KCNK10: variants seen among roughly 807,000 people sequenced by gnomAD.
The protein encoded by KCNK10 is potassium channel subfamily K member 10.
Under a neutral mutation model 47.7 loss-of-function variants are expected in KCNK10, and 25 were observed. That is an observed-to-expected ratio of 0.52 (90% CI 0.38 to 0.73). The LOEUF (loss-of-function observed/expected upper bound fraction) is 0.73. Among genes scored for constraint, KCNK10 ranks in the 30% least tolerant of loss-of-function variants. The probability of loss-of-function intolerance (pLI) is 0.00; values close to 1 mark genes in which losing one functional copy is unlikely to be tolerated. For synonymous variants in KCNK10, 303 were observed against 285.6 expected (o/e 1.06, Z -0.61); for missense variants, 563 against 714.5 (o/e 0.79, Z 2.42).
chr14:88,247,920 G>A (rs1336476468), intron 2 of KCNK10, among the ~76,000 whole-genome samples: 2 of 152,168 alleles, frequency 1.3e-5, no homozygotes, highest in African/African-American at 4.8e-5. Flanking sequence ...ATGGAAGGAT[G>A]AAATAAGACA....
chr14:88,218,097 A>G (rs1341806094), intron 4 of KCNK10, among the ~76,000 whole-genome samples: 1 of 151,874 alleles, frequency 6.6e-6, no homozygotes, highest in Admixed American at 6.6e-5. Flanking sequence ...GGGCTCAAGT[A>G]ATCCTTCTGT....
chr14:88,268,100 C>G (rs1887312955), intron 1 of KCNK10, among the ~76,000 whole-genome samples: 1 of 152,072 alleles, frequency 6.6e-6, no homozygotes, highest in South Asian at 2.1e-4. Flanking sequence ...CCACTAGACT[C>G]TATGTAAGTC....
chr14:88,325,568 T>C (rs2139812345), upstream of KCNK10, among the ~76,000 whole-genome samples: 1 of 152,288 alleles, frequency 6.6e-6, no homozygotes, highest in African/African-American at 2.4e-5. Context: ...GTCCATGCTC[T>C]CCATGCCAGA....
At chr14:88,193,830 A>G (rs1477652708) in intron 4 of KCNK10, among the ~76,000 whole-genome samples, 3 of 152,212 alleles carry the variant, frequency 2.0e-5, no homozygotes, top group African/African-American at 7.2e-5. Context: ...GTAATTCAAC[A>G]ATTCACCAAC....
rs2139821007 is a variant in KCNK10, at chr14:88,186,935, G to A, written c.1012-780C>T. Among the ~76,000 whole-genome samples, 1 of 152,308 alleles carries A rather than the reference G, an allele frequency of 6.6e-6. No individual in the cohort carries two copies. The highest frequency in any genetic ancestry group is 1.9e-4 in the East Asian group (1 of 5,182). On this transcript the variant is annotated intron_variant, in intron 6 of 6. Coordinates refer to ENST00000319231, the MANE Select transcript of KCNK10 (RefSeq NM_138317.3). This position sits in a 1 kb window ranked among gnomAD's most constrained non-coding sequence, Gnocchi z 5.5. ...CCTGAGGATCAGCACCAAATTTCTT[G>A]GCTCTTAATGAACAGGGCAGACAGT...
At position 88,269,048 on chromosome 14, in the gene KCNK10, G is replaced by A. The variant is rs184438534; in HGVS notation, c.53-5497C>T. Among the ~76,000 whole-genome samples the A allele has an allele frequency of 3.2e-3, 481 of 152,302 alleles. 2 individuals carry two copies. Among genetic ancestry groups the A allele is most frequent in the African/African-American group, 0.011 (464 of 41,560 alleles). On this transcript the variant is annotated intron_variant, in intron 1 of 6. Coordinates refer to ENST00000319231, the MANE Select transcript of KCNK10 (RefSeq NM_138317.3). ...AGCTACTCGGGAGGCTGAGGCAGAA[G>A]AATCACTTGAACCAGGTAGGTGGAG...
intron 1 of KCNK10, among the ~76,000 whole-genome samples, chr14:88,289,850 C>T (rs1467461375): frequency 1.3e-5 from 2 of 152,202 alleles, no homozygotes; most frequent in Non-Finnish European, 2.9e-5. Context: ...TGGCACAATG[C>T]CTGGCACATA....
At chr14:88,310,104 T>A in intron 1 of KCNK10, among the ~76,000 whole-genome samples, 1 of 150,868 alleles carries the variant, frequency 6.6e-6, no homozygotes, top group Non-Finnish European at 1.5e-5. Flanking sequence ...GGAACTACAT[T>A]CGCATGTTAA....
At chr14:88,197,572 TAAAAAAAAAAAAAAAAAAA>T (rs71417717) in intron 4 of KCNK10, among the ~76,000 whole-genome samples, 1,147 of 17,146 alleles carry the variant, frequency 0.067, 33 homozygotes, top group African/African-American at 0.16. Context: ...AGACTCCGAC[TAAAAAAAAAAAAAAAAAAA>T]AAAAAAAAAA....
intron 4 of KCNK10, among the ~76,000 whole-genome samples, chr14:88,219,796 A>G (rs752541628): frequency 1.6e-4 from 25 of 152,060 alleles, no homozygotes; most frequent in Non-Finnish European, 3.2e-4. Context: ...CGCCCCCACC[A>G]CGACCACAAA....
In KCNK10 at chr14:88,240,775, A is replaced by G. The variant is rs1292493532; in HGVS notation, c.448T>C (p.Ser150Pro). ...TCCCAGTGGCTGCTGTTGTTGGAAG[A>G]GTTTCCTATTGGACTGACTCCCGCA... ...DNAGVSPIGN[S>P]SNNSSHWDLG... Residue 150 changes from serine (S) to proline (P), a missense_variant, in exon 3 of 7, where the codon TCT (serine) becomes CCT (proline). By Grantham distance (74) the Ser-to-Pro change is moderately conservative. Transcript: ENST00000319231. 2 of 1,613,852 alleles carry G rather than the reference A, an allele frequency of 1.2e-6. No homozygotes were observed. The highest frequency in any genetic ancestry group is 1.7e-6 in the Non-Finnish European group (2 of 1,179,816).
chr14:88,296,370 A>G (rs754501364), intron 1 of KCNK10, among the ~76,000 whole-genome samples: 1 of 152,208 alleles, frequency 6.6e-6, no homozygotes, highest in African/African-American at 2.4e-5. Context: ...ATCAATGAAT[A>G]CTTATCTTGT....
intron 1 of KCNK10, among the ~76,000 whole-genome samples, chr14:88,288,078 T>C (rs1041307596): frequency 2.0e-5 from 3 of 152,184 alleles, no homozygotes; most frequent in Non-Finnish European, 2.9e-5. Context: ...TTGATTTGCA[T>C]CTCCCTTATC....
intron 2 of KCNK10, among the ~76,000 whole-genome samples, chr14:88,258,619 G>A (rs1212739291): frequency 6.6e-6 from 1 of 152,126 alleles, no homozygotes; most frequent in Non-Finnish European, 1.5e-5. Flanking sequence ...CCAACACCTG[G>A]CATGTTACCT....
At chr14:88,208,842 G>A (rs1039250492) in intron 4 of KCNK10, among the ~76,000 whole-genome samples, 9 of 152,148 alleles carry the variant, frequency 5.9e-5, no homozygotes, top group Admixed American at 3.9e-4. Context: ...GAGACGAGAT[G>A]CCCGATACAC....
At chr14:88,324,773 T>C (rs1014519399), upstream of KCNK10, among the ~76,000 whole-genome samples, 1 of 152,210 alleles carries the variant, frequency 6.6e-6, no homozygotes, top group African/African-American at 2.4e-5. Flanking sequence ...CCTTGAGGCT[T>C]CTGGGGAGCC....
chr14:88,255,691 G>A (rs929418874), intron 2 of KCNK10, among the ~76,000 whole-genome samples: 5 of 151,916 alleles, frequency 3.3e-5, no homozygotes, highest in Non-Finnish European at 5.9e-5. Context: ...CAGCCTTCCA[G>A]GGAGTGAGAT....
At chr14:88,246,484 T>C (rs1886646281) in intron 2 of KCNK10, among the ~76,000 whole-genome samples, 1 of 152,214 alleles carries the variant, frequency 6.6e-6, no homozygotes, top group Admixed American at 6.5e-5. Context: ...AAGACAATAT[T>C]TAATTTGCTT....
rs147245460 is a variant in KCNK10 at position 88,263,490 on chromosome 14, C to A, written c.114G>T (p.Pro38=). The A allele has an allele frequency of 6.2e-7, 1 of 1,613,702 alleles. No individual in the cohort carries two copies. Among genetic ancestry groups the A allele is most frequent in the Admixed American group, 1.7e-5 (1 of 60,026 alleles). Residue 38 remains proline, a synonymous_variant, in exon 2 of 7, where the codon CCG becomes CCT. Transcript: ENST00000319231. ...QPKSATNGQP[P]APAPTPTPRL... is the part of the protein sequence containing the mutation. ...GCGGAGTTGGAGTCGGAGCCGGAGC[C>A]GGGGGTTGCCCGTTAGTGGCGCTCT...
Sources: gnomAD v4.1 joint callset for allele counts (sites outside exome capture counted in the v4.1 genomes callset) on GRCh38, gnomAD v4.1.1 for gene constraint, Gnocchi (gnomAD v3.1) non-coding constraint, MANE v1.5 for transcripts, NCBI Gene and HGNC (gene_info 2026-07-23, HGNC 2026-07-21) for gene names.